Variants in SPATA17 observed in about 807,000 individuals in gnomAD.
SPATA17 encodes the protein spermatogenesis associated 17, also known as spermatogenesis-associated protein 17.
Under a neutral mutation model 62.2 loss-of-function variants are expected in SPATA17, and 53 were observed. That is an observed-to-expected ratio of 0.85 (90% CI 0.68 to 1.07). SPATA17 has a LOEUF of 1.07. SPATA17 is among the 50% of genes least tolerant of loss of function. SPATA17 has a pLI of 0.00. For missense variants in SPATA17, 466 were observed against 425.5 expected, an observed-to-expected ratio of 1.10 and a Z score of -0.84; for synonymous variants, 146 against 146.8, an observed-to-expected ratio of 0.99 and a Z score of 0.04.
intron 8 of SPATA17, among the ~76,000 whole-genome samples, chr1:217,784,442 G>T (rs755669062): frequency 6.6e-6 from 1 of 152,082 alleles, no homozygotes; most frequent in East Asian, 1.9e-4. Context: ...TATGAAAATT[G>T]CAGTGTGTTA....
intron 5 of SPATA17, among the ~76,000 whole-genome samples, chr1:217,724,540 A>G (rs1032758313): frequency 8.5e-5 from 13 of 152,268 alleles, no homozygotes; most frequent in Admixed American, 7.8e-4. Context: ...GTGAGCTGAG[A>G]TTGTGCTACT....
At chr1:217,724,088 A>G (rs900580902) in intron 5 of SPATA17, among the ~76,000 whole-genome samples, 4 of 152,214 alleles carry the variant, frequency 2.6e-5, no homozygotes, top group Non-Finnish European at 5.9e-5. Context: ...ATGTCAATAC[A>G]TATAAATTTC....
At chr1:217,849,996 G>A (rs1675611161) in intron 9 of SPATA17, among the ~76,000 whole-genome samples, 1 of 152,050 alleles carries the variant, frequency 6.6e-6, no homozygotes, top group Admixed American at 6.6e-5. Flanking sequence ...CCCAATATAA[G>A]TTATAATTTG....
Position 217,868,350 on chromosome 1 carries a change from C to A in SPATA17, c.*1331C>A, listed in dbSNP as rs191946197. 5.5e-4 allele frequency: 83 copies of A among 152,160 alleles called. No homozygotes were observed. Among genetic ancestry groups the A allele is most frequent in the African/African-American group, 1.9e-3 (79 of 41,538 alleles). 9.4% of individuals were successfully genotyped at this position (152,160 alleles called of 1,614,324 possible). On this transcript the variant is annotated 3_prime_UTR_variant, in exon 11 of 11. Coordinates refer to ENST00000366933, the MANE Select transcript of SPATA17 (RefSeq NM_138796.4). Reference sequence around the variant, plus strand: ...ATACATATACTCCTCCTCTTATAATCGGTTATGTGCCAATAAATCCATTGT... The same window carrying A: ...ATACATATACTCCTCCTCTTATAATAGGTTATGTGCCAATAAATCCATTGT...
In SPATA17 at chr1:217,868,802, C is replaced by T. The variant is rs1462594657; in HGVS notation, c.*1783C>T. ...TCAAGCAGTCCTCCCATCTCAGCCT[C>T]CCAAGTAGCTGGGACCACAGGCATG... On this transcript the variant is annotated 3_prime_UTR_variant, in exon 11 of 11. Coordinates refer to ENST00000366933, the MANE Select transcript of SPATA17 (RefSeq NM_138796.4). The T allele has an allele frequency of 1.3e-5, 2 of 151,976 alleles. No homozygotes were observed. Among genetic ancestry groups the T allele is most frequent in the African/African-American group, 4.8e-5 (2 of 41,360 alleles). The allele number at this position is 151,976 out of a possible 1,614,324, so 9.4% of individuals were successfully genotyped here.
intron 5 of SPATA17, among the ~76,000 whole-genome samples, chr1:217,703,778 A>G (rs1671660161): frequency 6.6e-6 from 1 of 152,222 alleles, no homozygotes; most frequent in South Asian, 2.1e-4. Flanking sequence ...TATTAGATGC[A>G]TATTTTAACT....
chr1:217,670,331 T>A (rs190550696), intron 4 of SPATA17, among the ~76,000 whole-genome samples: 1 of 152,170 alleles, frequency 6.6e-6, no homozygotes, highest in East Asian at 1.9e-4. Flanking sequence ...TAGAAGGAGA[T>A]CCTCCCTCCC....
intron 5 of SPATA17, among the ~76,000 whole-genome samples, chr1:217,694,814 A>G (rs1671418580): frequency 7.0e-6 from 1 of 142,916 alleles, no homozygotes; most frequent in African/African-American, 2.6e-5. Flanking sequence ...AATGTTGAAT[A>G]TTGGCCCCCA....
chr1:217,656,623 G>T (rs1245104142), intron 3 of SPATA17, among the ~76,000 whole-genome samples: 1 of 152,052 alleles, frequency 6.6e-6, no homozygotes, highest in African/African-American at 2.4e-5. Context: ...CTAACATAAG[G>T]CATGAAACAG....
chr1:217,650,925 C>G (rs1670298773), intron 2 of SPATA17, among the ~76,000 whole-genome samples, 172 bp from the exon 3 acceptor site: 1 of 152,152 alleles, frequency 6.6e-6, no homozygotes, highest in African/African-American at 2.4e-5. Context: ...CCGTTTTCTT[C>G]CACTTCTAGA....
intron 9 of SPATA17, among the ~76,000 whole-genome samples, chr1:217,806,602 C>T (rs1397177): frequency 2.0e-5 from 3 of 152,214 alleles, no homozygotes; most frequent in African/African-American, 7.2e-5. Context: ...ATAATCTCAT[C>T]TCTGTTCCTG....
chr1:217,820,880 A>C (rs1387258876), intron 9 of SPATA17, among the ~76,000 whole-genome samples: 2 of 152,070 alleles, frequency 1.3e-5, no homozygotes, highest in Non-Finnish European at 2.9e-5. Flanking sequence ...TTTAGCTCAT[A>C]GTTCTGTAGG....
chr1:217,808,999 T>G (rs1409795803), intron 9 of SPATA17, among the ~76,000 whole-genome samples: 1 of 152,178 alleles, frequency 6.6e-6, no homozygotes, highest in Non-Finnish European at 1.5e-5. Flanking sequence ...TTCAGCTTCC[T>G]GGCATCCAAC....
At chr1:217,662,460 G>A (rs910892045) in intron 3 of SPATA17, among the ~76,000 whole-genome samples, 8 of 152,008 alleles carry the variant, frequency 5.3e-5, no homozygotes, top group African/African-American at 1.9e-4. Flanking sequence ...GATTGATTAT[G>A]ATTAAAAAGA....
intron 9 of SPATA17, among the ~76,000 whole-genome samples, chr1:217,844,454 C>A (rs897515809): frequency 2.4e-4 from 36 of 152,206 alleles, no homozygotes; most frequent in Non-Finnish European, 2.5e-4. Flanking sequence ...AGATGGACTT[C>A]TTACTCCTAG....
chr1:217,719,743 C>T (rs894766516), intron 5 of SPATA17, among the ~76,000 whole-genome samples: 1 of 152,160 alleles, frequency 6.6e-6, no homozygotes, highest in Non-Finnish European at 1.5e-5. Flanking sequence ...AAGTTACCAC[C>T]TCTAGGCCCA....
chr1:217,649,303 A>G (rs946342221), intron 2 of SPATA17, among the ~76,000 whole-genome samples: 11 of 152,034 alleles, frequency 7.2e-5, no homozygotes, highest in Non-Finnish European at 1.6e-4. Flanking sequence ...ACAAGGTGAA[A>G]CCCAGTCTCT....
intron 3 of SPATA17, among the ~76,000 whole-genome samples, chr1:217,662,237 G>T (rs1001978554): frequency 6.6e-6 from 1 of 152,112 alleles, no homozygotes; most frequent in Non-Finnish European, 1.5e-5. Context: ...GAGCAGAGAA[G>T]TATAAAGGCT....
intron 6 of SPATA17, 131 bp from the exon 7 acceptor site, chr1:217,774,192 TCTGAAGTCCAC>T: frequency 1.6e-6 from 1 of 642,918 alleles, no homozygotes; most frequent in African/African-American, 1.8e-5. Context: ...TTTAGGTAAA[TCTGAAGTCCAC>T]CTCTGGTTAA....
Sources: allele counts gnomAD v4.1 joint callset (sites outside exome capture counted in the v4.1 genomes callset), GRCh38; gene constraint gnomAD v4.1.1; transcripts MANE v1.5; gene names NCBI Gene and HGNC (gene_info 2026-07-23, HGNC 2026-07-21).